Variants in PI4KA observed in about 807,000 individuals in gnomAD.
The protein encoded by PI4KA is PI4-kinase alpha.
PI4KA carries 122 observed loss-of-function variants against 271.4 expected under a neutral mutation model. The ratio of observed to expected loss-of-function variants is 0.45; its 90% CI spans 0.39 to 0.52. The LOEUF is 0.52. PI4KA is among the 20% of genes least tolerant of loss of function. The pLI, the probability that PI4KA is intolerant of heterozygous loss-of-function variation, is 0.00. For missense variants in PI4KA, 1,969 were observed against 2,769.1 expected, an observed-to-expected ratio of 0.71 and a Z score of 6.48; for synonymous variants, 1,041 against 1,078.8, an observed-to-expected ratio of 0.96 and a Z score of 0.69.
chr22:20,764,412 C>T (rs529238784), intron 22 of PI4KA, among the ~76,000 whole-genome samples: 9 of 152,266 alleles, frequency 5.9e-5, no homozygotes, highest in Non-Finnish European at 5.9e-5. Context: ...GTTTTGGAGC[C>T]GGCCCCACCC....
chr22:20,839,115 G>A (rs1483483886), intron 1 of PI4KA, among the ~76,000 whole-genome samples: 1 of 152,164 alleles, frequency 6.6e-6, no homozygotes, highest in Non-Finnish European at 1.5e-5. Context: ...TACTTGGGAG[G>A]CTGAGGCAGA....
At chr22:20,722,301 C>T (rs1926830542) in intron 42 of PI4KA, among the ~76,000 whole-genome samples, 1 of 152,206 alleles carries the variant, frequency 6.6e-6, no homozygotes, top group Non-Finnish European at 1.5e-5. Context: ...ATTCTCTTGC[C>T]TCAGCCTCCC....
chr22:20,753,717 C>T (rs1930965493), intron 23 of PI4KA, among the ~76,000 whole-genome samples: 3 of 152,018 alleles, frequency 2.0e-5, no homozygotes, highest in African/African-American at 2.4e-5. Context: ...GATTGAATCT[C>T]GTTCTGTTGC....
At chr22:20,790,442 C>T (rs1934554866) in intron 19 of PI4KA, among the ~76,000 whole-genome samples, 1 of 152,138 alleles carries the variant, frequency 6.6e-6, no homozygotes, top group South Asian at 2.1e-4. Flanking sequence ...AGGTGGATCA[C>T]TTGAAACCAG....
chr22:20,709,986 T>A lies in PI4KA; in HGVS notation c.6095A>T (p.Asp2032Val), dbSNP rs1400284105. 1 of 1,612,644 alleles carries A rather than the reference T, an allele frequency of 6.2e-7. No homozygotes were observed. The highest frequency in any genetic ancestry group is 1.3e-5 in the African/African-American group (1 of 74,862). The change falls in exon 53 of 55, where the codon GAC becomes GTC. Residue 2032 changes from aspartate to valine, a missense_variant. Asp to Val is a radical substitution (Grantham distance 152). This residue lies in a region of PI4KA where 110 missense variants were observed against 349.8 expected (regional missense o/e 0.31). Coordinates refer to ENST00000255882, the MANE Select transcript of PI4KA (RefSeq NM_058004.4). ...GAGAGTGACCAGGGAGACGACCGCGTCCATGTAGGGCCTGGGGAGAGATAG... is the reference window on the plus strand; with the variant it reads ...GAGAGTGACCAGGGAGACGACCGCGACCATGTAGGGCCTGGGGAGAGATAG... ...RGYLAVRPYM[D>V]AVVSLVTLML...
At position 20,836,433 on chromosome 22, in the gene PI4KA, T is replaced by C. The variant is rs368168010; in HGVS notation, c.274-1778A>G. ...TGGCTAAGACATCTGTCGAGGATCCTAGTGTACAGACAGGAACAAAACTCC... is the reference window on the plus strand; with the variant it reads ...TGGCTAAGACATCTGTCGAGGATCCCAGTGTACAGACAGGAACAAAACTCC... On this transcript the variant is annotated intron_variant, in intron 2 of 54. Coordinates refer to ENST00000255882, the MANE Select transcript of PI4KA (RefSeq NM_058004.4). Among the ~76,000 whole-genome samples, 16 of 152,366 alleles carry C rather than the reference T, an allele frequency of 1.1e-4. No individual in the cohort carries two copies. The South Asian group carries it at 2.9e-3, about 28-fold the overall frequency.
intron 3 of PI4KA, among the ~76,000 whole-genome samples, chr22:20,829,591 T>A (rs1256553566): frequency 6.6e-6 from 1 of 151,900 alleles, no homozygotes; most frequent in East Asian, 1.9e-4. Context: ...TCTTTTTTTT[T>A]TTATTCAAAA....
intron 3 of PI4KA, among the ~76,000 whole-genome samples, chr22:20,832,414 C>A (rs775055750): frequency 6.6e-6 from 1 of 151,490 alleles, no homozygotes; most frequent in Non-Finnish European, 1.5e-5. Flanking sequence ...TGCGCCCAGC[C>A]GAAATTCTTG....
rs373083925 is a variant in PI4KA at position 20,793,137 on chromosome 22, C to A, written c.2328+56G>T. On this transcript the variant is annotated intron_variant, in intron 19 of 54. Coordinates refer to ENST00000255882, the MANE Select transcript of PI4KA (RefSeq NM_058004.4). ...ATTTACTGTGCGTCACCAGGCAACA[C>A]TTAAAGCATGAACACAGTATCTGCA... 6 of 1,048,118 alleles carry A rather than the reference C, an allele frequency of 5.7e-6. No individual in the cohort carries two copies. In the African/African-American group the frequency reaches 9.4e-5, roughly 16 times the overall value. 64.9% of individuals were successfully genotyped at this position (1,048,118 alleles called of 1,614,324 possible).
chr22:20,818,080 ACAC>A (rs1163267120), intron 7 of PI4KA, among the ~76,000 whole-genome samples: 1 of 152,092 alleles, frequency 6.6e-6, no homozygotes, highest in East Asian at 1.9e-4. Context: ...AGCCGAGACT[ACAC>A]CACTGCGCTC....
intron 10 of PI4KA, among the ~76,000 whole-genome samples, chr22:20,805,450 AT>A (rs2147621118): frequency 6.6e-6 from 1 of 152,328 alleles, no homozygotes; most frequent in African/African-American, 2.4e-5. Flanking sequence ...ACCTGAATAC[AT>A]GAAACATATA....
chr22:20,744,819 G>T, intron 29 of PI4KA, 99 bp from the exon 30 acceptor site: 1 of 849,530 alleles, frequency 1.2e-6, no homozygotes, highest in South Asian at 1.8e-5. Context: ...TCACACTCGG[G>T]TCTGGGGGTT....
chr22:20,796,361 G>T, intron 17 of PI4KA, 47 bp from the exon 18 acceptor site: 1 of 1,572,868 alleles, frequency 6.4e-7, no homozygotes, highest in Non-Finnish European at 8.7e-7. Flanking sequence ...GCCCTCAACC[G>T]TCCCCAAGGG....
intron 14 of PI4KA, among the ~76,000 whole-genome samples, chr22:20,801,021 G>A (rs1935289825): frequency 6.7e-6 from 1 of 149,704 alleles, no homozygotes; most frequent in Non-Finnish European, 1.5e-5. Context: ...CTCCCGAGTA[G>A]CTGGGATTAC....
chr22:20,818,704 T>A (rs150710062), intron 6 of PI4KA, among the ~76,000 whole-genome samples, 155 bp from the exon 7 acceptor site: 197 of 152,360 alleles, frequency 1.3e-3, no homozygotes, highest in African/African-American at 4.5e-3. Flanking sequence ...AGCTACAGCA[T>A]TCTCTACTAC....
At position 20,799,091 on chromosome 22, in the gene PI4KA, A is replaced by G; in HGVS notation, c.2004+2T>C. 6.2e-7 allele frequency: 1 copy of G among 1,612,700 alleles called. No homozygotes were observed. On this transcript the variant is annotated splice_donor_variant, in intron 16 of 54. Transcript: ENST00000255882. LOFTEE classifies it high-confidence loss of function. ...TGGTGTTCTGGCTCTGGCCTCCCTTACATTTCCGGTGATAACCAGGCAGCC... is the reference window on the plus strand; with the variant it reads ...TGGTGTTCTGGCTCTGGCCTCCCTTGCATTTCCGGTGATAACCAGGCAGCC...
intron 45 of PI4KA, among the ~76,000 whole-genome samples, chr22:20,716,719 C>T (rs906477534): frequency 3.2e-4 from 49 of 152,166 alleles, no homozygotes; most frequent in African/African-American, 1.1e-3. Context: ...TACAATGCTT[C>T]CAGCTCTTTT....
At chr22:20,777,814 G>GGATTTGGCAGTCAAAACA (rs1933424358) in intron 19 of PI4KA, among the ~76,000 whole-genome samples, 2 of 152,156 alleles carry the variant, frequency 1.3e-5, no homozygotes, top group African/African-American at 4.8e-5. Context: ...GAAAGACAAA[G>GGATTTGGCAGTCAAAACA]GATTTGGCAG....
At chr22:20,798,737 C>A in intron 16 of PI4KA, 50 bp from the exon 17 acceptor site, 1 of 1,182,350 alleles carries the variant, frequency 8.5e-7, no homozygotes, top group South Asian at 1.2e-5. Context: ...CCTCATGAGG[C>A]CCCTCCTGTC....
Sources: gnomAD v4.1 joint callset for allele counts (sites outside exome capture counted in the v4.1 genomes callset) on GRCh38, gnomAD v4.1.1 for gene constraint, gnomAD v4.1.1 regional missense constraint, MANE v1.5 for transcripts, NCBI Gene and HGNC (gene_info 2026-07-23, HGNC 2026-07-21) for gene names.